Variants in LSM1 observed in about 807,000 individuals in gnomAD.
The protein encoded by LSM1 is LSM1 homolog, mRNA degradation associated, also known as U6 snRNA-associated Sm-like protein LSm1.
Under a neutral mutation model 18.0 loss-of-function variants are expected in LSM1, and 13 were observed. The observed-to-expected ratio is 0.72, with a 90% confidence interval of 0.47 to 1.15. The LOEUF (loss-of-function observed/expected upper bound fraction) is 1.15, where lower values mean the gene tolerates loss of function less well. Among genes scored for constraint, LSM1 ranks in the 50% most tolerant of loss-of-function variants. The pLI is 0.00. For synonymous variants in LSM1, 46 were observed against 56.0 expected, an observed-to-expected ratio of 0.82 and a Z score of 0.80; for missense variants, 152 against 157.7, an observed-to-expected ratio of 0.96 and a Z score of 0.19.
chr8:38,167,817 G>C (rs911615977), intron 3 of LSM1, among the ~76,000 whole-genome samples: 1 of 152,118 alleles, frequency 6.6e-6, no homozygotes, highest in Non-Finnish European at 1.5e-5. Flanking sequence ...GGGAGGCTGA[G>C]ACAGGAGGAT....
chr8:38,167,452 C>T (rs1167170481), intron 3 of LSM1, among the ~76,000 whole-genome samples: 1 of 152,182 alleles, frequency 6.6e-6, no homozygotes, highest in African/African-American at 2.4e-5. Context: ...AGGTGAATCT[C>T]CCACCTCAGC....
At chr8:38,163,889 A>AAG in intron 3 of LSM1, 49 bp from the exon 4 acceptor site, 1 of 1,544,944 alleles carries the variant, frequency 6.5e-7, no homozygotes, top group African/African-American at 1.4e-5. Flanking sequence ...CAAGAATAGA[A>AAG]AGCACAGATC....
chr8:38,176,183 G>T, intron 1 of LSM1, 92 bp downstream of exon 1: 1 of 1,086,822 alleles, frequency 9.2e-7, no homozygotes, highest in East Asian at 2.4e-5. Context: ...GGCCCCGCCC[G>T]GGACTCATTC....
At chr8:38,169,200 GGT>G (rs137891613) in intron 3 of LSM1, among the ~76,000 whole-genome samples, 1 of 151,774 alleles carries the variant, frequency 6.6e-6, no homozygotes, top group Non-Finnish European at 1.5e-5. Context: ...TTCTAGTAGG[GGT>G]GTGTGTGTGT....
chr8:38,168,106 C>T (rs993081415), intron 3 of LSM1, among the ~76,000 whole-genome samples: 1 of 151,790 alleles, frequency 6.6e-6, no homozygotes, highest in Non-Finnish European at 1.5e-5. Context: ...GGACTACAGG[C>T]GCCCGCCACC....
chr8:38,171,876 C>A (rs1301929821), intron 2 of LSM1, 89 bp downstream of exon 2: 1 of 953,744 alleles, frequency 1.0e-6, no homozygotes, highest in Non-Finnish European at 1.6e-6. Flanking sequence ...GAAAAAGTTG[C>A]AGATAAATTT....
chr8:38,176,726 G>A, upstream of LSM1: 1 of 1,128,586 alleles, frequency 8.9e-7, no homozygotes, highest in Non-Finnish European at 1.2e-6. Context: ...GGGTTCGGCA[G>A]CAGAAGGGGC....
Position 38,163,570 on chromosome 8 carries a change from A to G in LSM1, c.*100T>C. 2 of 1,060,634 alleles carry G rather than the reference A, an allele frequency of 1.9e-6. No homozygotes were observed. The highest frequency in any genetic ancestry group is 1.7e-5 in the South Asian group (1 of 59,740). The allele number at this position is 1,060,634 out of a possible 1,614,324, so 65.7% of individuals were successfully genotyped here. ...TTAAAAATAAAAGTGACTTTTCAAA[A>G]CTCTACAGTCTGTGATCAAATGCGT... On this transcript the variant is annotated 3_prime_UTR_variant, in exon 4 of 4. Coordinates refer to ENST00000311351, the MANE Select transcript of LSM1 (RefSeq NM_014462.3).
At chr8:38,163,942 A>G (rs1428300737) in intron 3 of LSM1, 102 bp from the exon 4 acceptor site, 4 of 1,047,448 alleles carry the variant, frequency 3.8e-6, no homozygotes, top group East Asian at 2.4e-5. Flanking sequence ...ATTATTTTTC[A>G]TAACTGTGAC....
At chr8:38,173,697 G>T (rs982283734) in intron 1 of LSM1, among the ~76,000 whole-genome samples, 1 of 152,190 alleles carries the variant, frequency 6.6e-6, no homozygotes, top group African/African-American at 2.4e-5. Flanking sequence ...CAGGGTGAAG[G>T]TTATTAGCTC....
chr8:38,172,053 T>C lies in LSM1; in HGVS notation c.47-20A>G. On this transcript the variant is annotated intron_variant, in intron 1 of 3. Coordinates refer to ENST00000311351, the MANE Select transcript of LSM1 (RefSeq NM_014462.3). ...GCTTTTCTGGGGAGAGAGGAAAAAATCTTTTAAATGAAAACTGACAAGTTC... is the reference window on the plus strand; with the variant it reads ...GCTTTTCTGGGGAGAGAGGAAAAAACCTTTTAAATGAAAACTGACAAGTTC... 6.3e-7 allele frequency: 1 copy of C among 1,575,590 alleles called. No individual in the cohort carries two copies. Among genetic ancestry groups the C allele is most frequent in the Non-Finnish European group, 8.7e-7 (1 of 1,149,972 alleles).
chr8:38,163,507 C>A lies in LSM1; in HGVS notation c.*163G>T. 2 of 589,374 alleles carry A rather than the reference C, an allele frequency of 3.4e-6. No homozygotes were observed. The highest frequency in any genetic ancestry group is 2.9e-6 in the Non-Finnish European group (1 of 349,110). 36.5% of individuals were successfully genotyped at this position (589,374 alleles called of 1,614,324 possible). On this transcript the variant is annotated 3_prime_UTR_variant, in exon 4 of 4. Coordinates refer to ENST00000311351, the MANE Select transcript of LSM1 (RefSeq NM_014462.3). The stretch of plus-strand genomic sequence containing the variant: ...TGATTTTGTTATTAAAAAAAAAACC[C>A]ACCTACACGATTTCTTCATGTTGCA...
intron 3 of LSM1, among the ~76,000 whole-genome samples, chr8:38,167,765 A>G (rs1344526195): frequency 2.0e-5 from 3 of 152,260 alleles, no homozygotes; most frequent in Non-Finnish European, 4.4e-5. Context: ...ATATACTGGC[A>G]GTATCAAGCA....
intron 2 of LSM1, among the ~76,000 whole-genome samples, chr8:38,171,276 T>A (rs189031053): frequency 4.9e-4 from 75 of 152,340 alleles, no homozygotes; most frequent in African/African-American, 1.4e-3. Context: ...CTCGCGCCTA[T>A]AATCTCAGCA....
intron 3 of LSM1, among the ~76,000 whole-genome samples, chr8:38,167,497 C>T (rs1802954537): frequency 6.6e-6 from 1 of 152,120 alleles, no homozygotes; most frequent in African/African-American, 2.4e-5. Context: ...TGTGCACCAT[C>T]ACCCCTGGCT....
chr8:38,176,587 T>C (rs969527354), upstream of LSM1: 1 of 565,606 alleles, frequency 1.8e-6, no homozygotes, highest in African/African-American at 1.9e-5. Context: ...TCCTGTTAAG[T>C]AGGTAAGAGG....
chr8:38,176,243 C>T, intron 1 of LSM1, 32 bp downstream of exon 1: 1 of 1,608,384 alleles, frequency 6.2e-7, no homozygotes. Flanking sequence ...GGTCTAACCC[C>T]GGGCTCCACC....
rs936889222 is a variant in LSM1, at chr8:38,163,781, T to C, written c.291A>G (p.Glu97=). 1 of 1,614,184 alleles carries C rather than the reference T, an allele frequency of 6.2e-7. No homozygotes were observed. The highest frequency in any genetic ancestry group is 8.5e-7 in the Non-Finnish European group (1 of 1,180,026). Reference sequence around the variant, plus strand: ...TGGTCTGCTGTTCCACCCTTTGTTCTTCTAGAATTTCTTCAATGGATACTT... The same window carrying C: ...TGGTCTGCTGTTCCACCCTTTGTTCCTCTAGAATTTCTTCAATGGATACTT... ...LQQVSIEEIL[E]EQRVEQQTKL... is the part of the protein sequence containing the mutation. Residue 97 remains glutamate (E), a synonymous_variant, in exon 4 of 4, where the codon GAA becomes GAG. Coordinates refer to ENST00000311351, the MANE Select transcript of LSM1 (RefSeq NM_014462.3).
chr8:38,172,732 G>T (rs1803052496), intron 1 of LSM1, among the ~76,000 whole-genome samples: 1 of 152,086 alleles, frequency 6.6e-6, no homozygotes. Context: ...GAATTATTTT[G>T]TCCTCAAAAG....
Sources: gnomAD v4.1 joint callset for allele counts (sites outside exome capture counted in the v4.1 genomes callset) on GRCh38, gnomAD v4.1.1 for gene constraint, MANE v1.5 for transcripts, NCBI Gene and HGNC (gene_info 2026-07-23, HGNC 2026-07-21) for gene names.